Variants in PGA3 observed in about 807,000 individuals in gnomAD.
PGA3 encodes pepsin A-3.
In PGA3, 1 loss-of-function variant was observed where a neutral mutation model predicts 15.6. The observed-to-expected ratio is 0.06, with a 90% CI of 0.02 to 0.30. The LOEUF (loss-of-function observed/expected upper bound fraction) is 0.30, where lower values mean the gene tolerates loss of function less well. Ranked by LOEUF, PGA3 falls within the 10% of genes least tolerant of loss-of-function variation. The pLI is 1.00. For missense variants in PGA3, 29 were observed against 183.7 expected (o/e 0.16, Z 4.87); for synonymous variants, 14 against 79.5 (o/e 0.18, Z 4.38).
At chr11:61,205,020 G>A (rs1215834709) in intron 2 of PGA3, among the ~76,000 whole-genome samples, 3 of 152,202 alleles carry the variant, frequency 2.0e-5, no homozygotes, top group Non-Finnish European at 4.4e-5. Context: ...ACAGGGCACA[G>A]GGCACAAAGC....
chr11:61,205,725 A>G (rs2134693346), intron 2 of PGA3: 1 of 131,480 alleles, frequency 7.6e-6, no homozygotes, highest in African/African-American at 2.8e-5. Context: ...GCAGGGGGAA[A>G]ATGCTGCCAC....
At chr11:61,207,176 CGGGAG>C (rs1853931790) in intron 3 of PGA3, among the ~76,000 whole-genome samples, 1 of 110,392 alleles carries the variant, frequency 9.1e-6, no homozygotes, top group African/African-American at 2.9e-5. Context: ...CACATCATAA[CGGGAG>C]CACTGGCTGG....
intron 8 of PGA3, among the ~76,000 whole-genome samples, chr11:61,211,688 C>A (rs1366722791): frequency 2.0e-5 from 3 of 150,182 alleles, no homozygotes; most frequent in Admixed American, 1.3e-4. Context: ...CTATTTGGAC[C>A]CCTGGGTCCA....
chr11:61,203,589 CT>C lies in PGA3; in HGVS notation c.26del (p.Leu9ArgfsTer20). The C allele has an allele frequency of 1.4e-5, 23 of 1,608,172 alleles. No individual in the cohort carries two copies. The highest frequency in any genetic ancestry group is 2.0e-5 in the Non-Finnish European group (23 of 1,177,458). On this transcript the variant is annotated frameshift_variant, in exon 1 of 9. Transcript: ENST00000325558. LOFTEE classifies it high-confidence loss of function. ...CATGAAGTGGCTGCTGCTGCTGGGTCTGGTGGCACTCTCTGAGTGCATCATG... is the reference window on the plus strand; with the variant it reads ...CATGAAGTGGCTGCTGCTGCTGGGTCGGTGGCACTCTCTGAGTGCATCATG... MKWLLLLG[L>X]VALSECIMYK...
intron 2 of PGA3, among the ~76,000 whole-genome samples, chr11:61,205,303 A>C (rs896612383): frequency 6.6e-6 from 1 of 151,958 alleles, no homozygotes; most frequent in African/African-American, 2.4e-5. Flanking sequence ...ACAAATATTT[A>C]ACAAATATTG....
intron 2 of PGA3, chr11:61,205,568 G>C (rs1397418191): frequency 6.8e-6 from 1 of 146,844 alleles, no homozygotes; most frequent in Non-Finnish European, 1.5e-5. Context: ...CTGAATGATT[G>C]ATTTTTGATA....
chr11:61,205,289 G>C (rs1056648733), intron 2 of PGA3, among the ~76,000 whole-genome samples: 7 of 151,856 alleles, frequency 4.6e-5, no homozygotes, highest in Admixed American at 4.6e-4. Context: ...CATTTATTTA[G>C]TTCACAAATA....
chr11:61,205,994 T>TTTAAAAAA (rs376217050), intron 2 of PGA3: 2 of 129,624 alleles, frequency 1.5e-5, no homozygotes, highest in African/African-American at 7.0e-5. Context: ...GAGACTTGTC[T>TTTAAAAAA]CAAAAAAAAA....
At chr11:61,211,821 A>C (rs1404483750) in intron 8 of PGA3, among the ~76,000 whole-genome samples, 1 of 151,228 alleles carries the variant, frequency 6.6e-6, no homozygotes, top group African/African-American at 2.4e-5. Flanking sequence ...CGGTTAGGTC[A>C]ACCAAGTGAG....
At chr11:61,205,514 G>A (rs1301951397) in intron 2 of PGA3, among the ~76,000 whole-genome samples, 4 of 151,892 alleles carry the variant, frequency 2.6e-5, no homozygotes, top group Non-Finnish European at 2.9e-5. Context: ...TAGATAAAGT[G>A]GTCACGGAAG....
At chr11:61,211,673 G>A (rs1311217406) in intron 8 of PGA3, among the ~76,000 whole-genome samples, 2 of 150,440 alleles carry the variant, frequency 1.3e-5, no homozygotes, top group Admixed American at 6.7e-5. Flanking sequence ...AGTGAAAAGA[G>A]GATTCTATTT....
chr11:61,205,409 A>C (rs1043070618), intron 2 of PGA3, among the ~76,000 whole-genome samples: 4 of 152,188 alleles, frequency 2.6e-5, no homozygotes, highest in African/African-American at 9.7e-5. Flanking sequence ...ATGACAAATA[A>C]ACAACCATGT....
chr11:61,211,495 C>T, intron 8 of PGA3, 60 bp downstream of exon 8: 2 of 1,326,408 alleles, frequency 1.5e-6, no homozygotes, highest in South Asian at 1.2e-5. Flanking sequence ...CACAGAGTTC[C>T]CCTCTGCAGA....
intron 2 of PGA3, among the ~76,000 whole-genome samples, chr11:61,205,489 G>C (rs1853915071): frequency 6.6e-6 from 1 of 152,090 alleles, no homozygotes; most frequent in Non-Finnish European, 1.5e-5. Flanking sequence ...CAAAAAGATT[G>C]AGAGGGGGCA....
intron 8 of PGA3, among the ~76,000 whole-genome samples, chr11:61,211,655 G>C (rs74328087): frequency 2.0e-5 from 3 of 148,432 alleles, no homozygotes; most frequent in East Asian, 1.9e-4. Flanking sequence ...TGAAGCAAAG[G>C]TTAATGGAGT....
intron 3 of PGA3, 67 bp from the exon 4 acceptor site, chr11:61,207,429 AG>A: frequency 2.0e-6 from 2 of 981,158 alleles, no homozygotes; most frequent in Non-Finnish European, 3.3e-6. Context: ...ACCCCATCCC[AG>A]GAAGACATCC....
intron 1 of PGA3, 92 bp downstream of exon 1, chr11:61,203,712 C>T: frequency 6.2e-7 from 1 of 1,602,426 alleles, no homozygotes; most frequent in Non-Finnish European, 8.5e-7. Context: ...TTCTCCCTCT[C>T]TATTCAGCTG....
chr11:61,211,687 C>A (rs1350201437), intron 8 of PGA3, among the ~76,000 whole-genome samples: 31 of 150,290 alleles, frequency 2.1e-4, no homozygotes, highest in African/African-American at 7.5e-4. Flanking sequence ...TCTATTTGGA[C>A]CCCTGGGTCC....
At chr11:61,211,466 G>C (rs1853945812) in intron 8 of PGA3, 31 bp downstream of exon 8, 1 of 702,342 alleles carries the variant, frequency 1.4e-6, no homozygotes, top group Admixed American at 2.5e-5. Context: ...CCACTAGAGG[G>C]GTTCACACAG....
Sources: gnomAD v4.1 joint callset for allele counts (sites outside exome capture counted in the v4.1 genomes callset) on GRCh38, gnomAD v4.1.1 for gene constraint, MANE v1.5 for transcripts, NCBI Gene and HGNC (gene_info 2026-07-23, HGNC 2026-07-21) for gene names.